The following NKAIN3 variants were observed in gnomAD, a reference collection of about 807,000 sequenced individuals.
NKAIN3 encodes sodium/potassium transporting ATPase interacting 3, also known as sodium/potassium-transporting ATPase subunit beta-1-interacting protein 3.
A neutral mutation model predicts 30.2 loss-of-function variants in NKAIN3; 25 were observed. The observed-to-expected ratio is 0.83, with a 90% CI of 0.60 to 1.16. The LOEUF is 1.16. NKAIN3 is among the 50% of genes most tolerant of loss of function. The pLI, the probability that NKAIN3 is intolerant of heterozygous loss-of-function variation, is 0.00. For missense variants in NKAIN3, 225 were observed against 254.1 expected (o/e 0.89, Z 0.78); for synonymous variants, 91 against 89.6 (o/e 1.02, Z -0.09).
intron 1 of NKAIN3, among the ~76,000 whole-genome samples, chr8:62,405,186 A>C (rs998515244): frequency 5.9e-5 from 9 of 152,110 alleles, no homozygotes; most frequent in Non-Finnish European, 1.0e-4. Context: ...AGAGGGAAAG[A>C]GCCTCTCCTG....
chr8:62,966,232 C>T lies in NKAIN3; in HGVS notation c.*825C>T, dbSNP rs1823710108. The T allele has an allele frequency of 8.1e-6, 8 of 985,086 alleles. No homozygotes were observed. Among genetic ancestry groups the T allele is most frequent in the Non-Finnish European group, 9.6e-6 (8 of 829,694 alleles). The allele number at this position is 985,086 out of a possible 1,614,324, so 61.0% of individuals were successfully genotyped here. A position where few individuals can be genotyped will look rare whatever the true frequency, so the allele number is the denominator to read the frequency against. On this transcript the variant is annotated 3_prime_UTR_variant, in exon 7 of 7. Coordinates refer to ENST00000623646, the MANE Select transcript of NKAIN3 (RefSeq NM_001304533.3). ...ACAAACATAGACCTGCAGTCAGGAA[C>T]TTTTCTCTTAGGATATTCAAAAGAA...
chr8:62,406,496 G>A (rs1018708049), intron 1 of NKAIN3, among the ~76,000 whole-genome samples: 5 of 152,042 alleles, frequency 3.3e-5, no homozygotes, highest in African/African-American at 1.2e-4. Flanking sequence ...AGATACTTTA[G>A]TCACTTTTAT....
intron 4 of NKAIN3, among the ~76,000 whole-genome samples, chr8:62,757,193 T>G (rs1384983424): frequency 1.3e-5 from 2 of 152,170 alleles, no homozygotes; most frequent in Non-Finnish European, 2.9e-5. Context: ...TTGGGATAAT[T>G]TAATGTCATT....
chr8:62,367,337 C>G (rs1267122749), intron 1 of NKAIN3, among the ~76,000 whole-genome samples: 1 of 152,072 alleles, frequency 6.6e-6, no homozygotes, highest in African/African-American at 2.4e-5. Flanking sequence ...ACTAGCAAAC[C>G]AAATTCAAAA....
intron 3 of NKAIN3, among the ~76,000 whole-genome samples, chr8:62,652,131 A>T (rs995626451): frequency 2.6e-5 from 4 of 152,116 alleles, no homozygotes; most frequent in Admixed American, 6.6e-5. Flanking sequence ...CCCTGACCTA[A>T]TCAGCTCCCA....
intron 3 of NKAIN3, among the ~76,000 whole-genome samples, chr8:62,718,150 A>G (rs1814967410): frequency 6.6e-6 from 1 of 152,180 alleles, no homozygotes; most frequent in South Asian, 2.1e-4. Flanking sequence ...ACAAGCCCCC[A>G]TGATTCAATT....
intron 1 of NKAIN3, among the ~76,000 whole-genome samples, chr8:62,485,851 G>A (rs1351129992): frequency 1.3e-5 from 2 of 152,212 alleles, no homozygotes; most frequent in Non-Finnish European, 2.9e-5. Flanking sequence ...GAACCCTGCA[G>A]GAAAGTGTTT....
At chr8:62,946,938 C>A (rs1823141374) in intron 5 of NKAIN3, among the ~76,000 whole-genome samples, 1 of 152,190 alleles carries the variant, frequency 6.6e-6, no homozygotes, top group Non-Finnish European at 1.5e-5. Flanking sequence ...CGCCTACGTT[C>A]TGGTTAATTA....
intron 1 of NKAIN3, among the ~76,000 whole-genome samples, chr8:62,425,363 G>A (rs1804776048): frequency 1.3e-5 from 2 of 151,872 alleles, no homozygotes; most frequent in Admixed American, 1.3e-4. Flanking sequence ...TATGATAAAT[G>A]TGAGCCACAT....
At chr8:62,797,723 T>C (rs1018720294) in intron 4 of NKAIN3, among the ~76,000 whole-genome samples, 1 of 152,190 alleles carries the variant, frequency 6.6e-6, no homozygotes, top group East Asian at 1.9e-4. Context: ...CAGAAACTCA[T>C]GCTGAAGTCC....
In NKAIN3 at chr8:62,979,453, C is replaced by T. The variant is rs889044709; in HGVS notation, c.*14046C>T. 2.0e-5 allele frequency: 3 copies of T among 152,162 alleles called. No homozygotes were observed. The highest frequency in any genetic ancestry group is 2.0e-4 in the Admixed American group (3 of 15,274). 9.4% of individuals were successfully genotyped at this position (152,162 alleles called of 1,614,324 possible). ...ACATCCACAATCAAACTTCAACAGTCGAGTGTACCCTTTTCTAAATAATCA... is the reference window on the plus strand; with the variant it reads ...ACATCCACAATCAAACTTCAACAGTTGAGTGTACCCTTTTCTAAATAATCA... On this transcript the variant is annotated 3_prime_UTR_variant, in exon 7 of 7. Transcript: ENST00000623646.
intron 1 of NKAIN3, among the ~76,000 whole-genome samples, chr8:62,262,935 T>C (rs1047433993): frequency 6.6e-6 from 1 of 152,168 alleles, no homozygotes; most frequent in African/African-American, 2.4e-5. Flanking sequence ...ATAAGTAATA[T>C]GATTTTTATA....
chr8:62,807,790 C>A (rs1045338164), intron 4 of NKAIN3, among the ~76,000 whole-genome samples: 2 of 145,940 alleles, frequency 1.4e-5, no homozygotes, highest in Non-Finnish European at 3.0e-5. Flanking sequence ...AAAATACATA[C>A]ATATATATAT....
At chr8:62,500,983 G>GA (rs1255906264) in intron 1 of NKAIN3, among the ~76,000 whole-genome samples, 2 of 151,876 alleles carry the variant, frequency 1.3e-5, no homozygotes, top group Admixed American at 6.6e-5. Context: ...TTTCTCAAAA[G>GA]AAAAAAATTG....
At chr8:62,331,062 C>CCT (rs60036306) in intron 1 of NKAIN3, among the ~76,000 whole-genome samples, 66 of 144,500 alleles carry the variant, frequency 4.6e-4, no homozygotes, top group African/African-American at 1.2e-3. Context: ...ACCTCCTCCT[C>CCT]CTCTCTCTCT....
intron 4 of NKAIN3, among the ~76,000 whole-genome samples, chr8:62,822,325 C>A (rs561770914): frequency 6.6e-6 from 1 of 152,188 alleles, no homozygotes; most frequent in African/African-American, 2.4e-5. Flanking sequence ...AAATTGAAAG[C>A]AGTTGAAATC....
intron 5 of NKAIN3, among the ~76,000 whole-genome samples, chr8:62,930,500 C>T (rs901419128): frequency 2.1e-4 from 32 of 151,988 alleles, no homozygotes; most frequent in African/African-American, 7.0e-4. Context: ...GTGATCCACC[C>T]GCCTCGGCCT....
At chr8:62,661,322 G>C (rs1204640183) in intron 3 of NKAIN3, among the ~76,000 whole-genome samples, 1 of 152,148 alleles carries the variant, frequency 6.6e-6, no homozygotes, top group East Asian at 1.9e-4. Context: ...CCACCTGCTT[G>C]TTTCCTCCTG....
At chr8:62,374,710 T>A (rs555412728) in intron 1 of NKAIN3, among the ~76,000 whole-genome samples, 1 of 152,172 alleles carries the variant, frequency 6.6e-6, no homozygotes, top group Non-Finnish European at 1.5e-5. Context: ...GATTGAAAGA[T>A]TGAAGTAAAT....
Sources: gnomAD v4.1 joint callset for allele counts (sites outside exome capture counted in the v4.1 genomes callset) on GRCh38, gnomAD v4.1.1 for gene constraint, MANE v1.5 for transcripts, NCBI Gene and HGNC (gene_info 2026-07-23, HGNC 2026-07-21) for gene names.